WWTR1: variants seen among roughly 807,000 people sequenced by gnomAD.
WWTR1 encodes the protein WW domain containing transcription regulator 1, also known as WW domain-containing transcription regulator protein 1.
In WWTR1, 13 loss-of-function variants were observed where a neutral mutation model predicts 40.1. The ratio of observed to expected loss-of-function variants is 0.32; its 90% CI spans 0.21 to 0.52. The LOEUF is 0.52. WWTR1 is among the 20% of genes least tolerant of loss of function. The pLI, the probability that WWTR1 is intolerant of heterozygous loss-of-function variation, is 0.97. For synonymous variants in WWTR1, 230 were observed against 210.1 expected, an observed-to-expected ratio of 1.09 and a Z score of -0.82; for missense variants, 436 against 523.1, an observed-to-expected ratio of 0.83 and a Z score of 1.63.
intron 2 of WWTR1, among the ~76,000 whole-genome samples, chr3:149,595,842 T>A (rs1576586544): frequency 6.6e-6 from 1 of 151,980 alleles, no homozygotes; most frequent in South Asian, 2.1e-4. Flanking sequence ...GACCAGCCTG[T>A]CTAACATGGT....
At chr3:149,672,248 C>T (rs527589637) in intron 1 of WWTR1, among the ~76,000 whole-genome samples, 9 of 152,296 alleles carry the variant, frequency 5.9e-5, no homozygotes, top group South Asian at 4.1e-4. Flanking sequence ...GTTCGCCAAC[C>T]GCTTTCCTAG....
At chr3:149,617,614 A>T (rs1238302669) in intron 2 of WWTR1, among the ~76,000 whole-genome samples, 1 of 152,244 alleles carries the variant, frequency 6.6e-6, no homozygotes, top group South Asian at 2.1e-4. Context: ...AGTCTGGCCA[A>T]CATGGTGAAA....
chr3:149,672,249 G>A lies in WWTR1; in HGVS notation c.-107-2358C>T, dbSNP rs1576635004. Among the ~76,000 whole-genome samples, 4 of 152,276 alleles carry A rather than the reference G, an allele frequency of 2.6e-5. No individual in the cohort carries two copies. The South Asian group carries it at 6.2e-4, about 24-fold the overall frequency. ...GGCTTTTTACCAAAGTTCGCCAACC[G>A]CTTTCCTAGAGCCTCATTCTCAATT... On this transcript the variant is annotated intron_variant, in intron 1 of 7. Transcript: ENST00000465804.
At chr3:149,669,530 G>A (rs567955623) in intron 2 of WWTR1, among the ~76,000 whole-genome samples, 1 of 152,206 alleles carries the variant, frequency 6.6e-6, no homozygotes, top group South Asian at 2.1e-4. Flanking sequence ...TCCAGTGGGA[G>A]GGAAAAGGAA....
At chr3:149,569,018 G>A (rs759241474) in intron 3 of WWTR1, among the ~76,000 whole-genome samples, 14 of 152,046 alleles carry the variant, frequency 9.2e-5, no homozygotes, top group Admixed American at 2.6e-4. Context: ...CTCCCACCTC[G>A]GTCTCCCAAA....
At chr3:149,714,312 G>GCTGC (rs112676492) in intron 5 of WWTR1, among the ~76,000 whole-genome samples, 3,080 of 152,242 alleles carry the variant, frequency 0.02, 39 homozygotes, top group East Asian at 0.061. Context: ...TGCAGACGCC[G>GCTGC]AGCTGCGACT....
chr3:149,691,568 A>G (rs1165072657), intron 1 of WWTR1, among the ~76,000 whole-genome samples: 1 of 152,122 alleles, frequency 6.6e-6, no homozygotes, highest in Non-Finnish European at 1.5e-5. Flanking sequence ...GAAGAAATGA[A>G]TAAATTCCTA....
At chr3:149,679,873 G>A (rs1426863154) in intron 1 of WWTR1, among the ~76,000 whole-genome samples, 1 of 152,174 alleles carries the variant, frequency 6.6e-6, no homozygotes, top group African/African-American at 2.4e-5. Context: ...TTCCAGGGCT[G>A]ATTTCTCAAG....
intron 2 of WWTR1, among the ~76,000 whole-genome samples, chr3:149,663,450 C>T (rs1047602345): frequency 1.3e-5 from 2 of 151,744 alleles, no homozygotes; most frequent in Non-Finnish European, 2.9e-5. Context: ...AATCCTAGCA[C>T]TTTGGGAGGC....
In WWTR1 at chr3:149,518,626, G is replaced by T. The variant is rs1734901391; in HGVS notation, c.*2179C>A. On this transcript the variant is annotated 3_prime_UTR_variant, in exon 7 of 7. Coordinates refer to ENST00000360632, the MANE Select transcript of WWTR1 (RefSeq NM_015472.6). ...AAGGAATTAGAGGAACATAAACCAT[G>T]GGTCCTTCAGGTAAAATAAGTCATT... The T allele has an allele frequency of 6.6e-6, 1 of 152,008 alleles. No individual in the cohort carries two copies. The highest frequency in any genetic ancestry group is 6.6e-5 in the Admixed American group (1 of 15,238). The allele number at this position is 152,008 out of a possible 1,614,324, so 9.4% of individuals were successfully genotyped here.
chr3:149,709,394 T>C (rs1266334827), intron 5 of WWTR1, among the ~76,000 whole-genome samples: 1 of 152,192 alleles, frequency 6.6e-6, no homozygotes, highest in Non-Finnish European at 1.5e-5. Flanking sequence ...TTTATATACT[T>C]TGTTGGCTAT....
intron 2 of WWTR1, among the ~76,000 whole-genome samples, chr3:149,598,024 A>C (rs1560078001): frequency 6.6e-6 from 1 of 152,246 alleles, no homozygotes. Context: ...ACTCAAGTGC[A>C]TGCCTGCAGG....
chr3:149,677,960 G>A (rs1283261706), intron 1 of WWTR1, among the ~76,000 whole-genome samples: 1 of 151,314 alleles, frequency 6.6e-6, no homozygotes, highest in African/African-American at 2.4e-5. Flanking sequence ...TAGTGGAGAC[G>A]GGGTTTCACC....
At chr3:149,713,682 A>G (rs898982486) in intron 5 of WWTR1, among the ~76,000 whole-genome samples, 3 of 152,170 alleles carry the variant, frequency 2.0e-5, no homozygotes, top group Non-Finnish European at 4.4e-5. Context: ...CGCCCGTCCT[A>G]CGTCTTGAAT....
chr3:149,532,337 G>A (rs768642770), intron 4 of WWTR1, among the ~76,000 whole-genome samples: 7 of 152,232 alleles, frequency 4.6e-5, no homozygotes, highest in Non-Finnish European at 8.8e-5. Flanking sequence ...TCCACTTTAA[G>A]TGGTGAGAGG....
At chr3:149,597,460 G>A (rs1739050478) in intron 2 of WWTR1, among the ~76,000 whole-genome samples, 4 of 145,944 alleles carry the variant, frequency 2.7e-5, no homozygotes, top group South Asian at 2.2e-4. Flanking sequence ...AGAAGAAGAA[G>A]AAGAAGGAAA....
At chr3:149,522,528 A>T (rs967978512) in intron 6 of WWTR1, among the ~76,000 whole-genome samples, 6 of 152,216 alleles carry the variant, frequency 3.9e-5, no homozygotes, top group African/African-American at 1.2e-4. Flanking sequence ...ACGTTAAACG[A>T]AAAAACAAAA....
chr3:149,673,859 C>T (rs1249071666), intron 1 of WWTR1, among the ~76,000 whole-genome samples: 1 of 151,728 alleles, frequency 6.6e-6, no homozygotes, highest in Non-Finnish European at 1.5e-5. Flanking sequence ...TTTGGAGGTA[C>T]CAAGGTAAGA....
intron 1 of WWTR1, among the ~76,000 whole-genome samples, chr3:149,700,747 G>T (rs1715143554): frequency 6.6e-6 from 1 of 152,194 alleles, no homozygotes; most frequent in South Asian, 2.1e-4. Context: ...TGGGGGCCAT[G>T]GGTGGAAGAG....
Sources: gnomAD v4.1 joint callset for allele counts (sites outside exome capture counted in the v4.1 genomes callset) on GRCh38, gnomAD v4.1.1 for gene constraint, MANE v1.5 for transcripts, NCBI Gene and HGNC (gene_info 2026-07-23, HGNC 2026-07-21) for gene names.